Variants in RGS7 observed in about 807,000 individuals in gnomAD.
The protein encoded by RGS7 is regulator of G-protein signaling 7.
Under a neutral mutation model 81.1 loss-of-function variants are expected in RGS7, and 27 were observed. The ratio of observed to expected loss-of-function variants is 0.33; its 90% CI spans 0.25 to 0.46. The LOEUF is 0.46. RGS7 is among the 20% of genes least tolerant of loss of function. RGS7 has a pLI of 1.00. For synonymous variants in RGS7, 208 were observed against 207.7 expected, an observed-to-expected ratio of 1.00 and a Z score of -0.01; for missense variants, 396 against 607.4, an observed-to-expected ratio of 0.65 and a Z score of 3.66.
intron 2 of RGS7, among the ~76,000 whole-genome samples, chr1:241,352,676 C>G (rs1348525664): frequency 6.6e-6 from 1 of 152,230 alleles, no homozygotes; most frequent in African/African-American, 2.4e-5. Context: ...TCCACTCTAC[C>G]TTAACAATCA....
At chr1:241,062,683 T>C (rs1053105728) in intron 3 of RGS7, among the ~76,000 whole-genome samples, 1 of 152,196 alleles carries the variant, frequency 6.6e-6, no homozygotes, top group South Asian at 2.1e-4. Flanking sequence ...TACCCCTTTT[T>C]TTCCCCAAAG....
chr1:240,997,117 TTTATTATTATTATCA>T (rs564792695), intron 3 of RGS7, among the ~76,000 whole-genome samples: 29 of 152,068 alleles, frequency 1.9e-4, no homozygotes, highest in Non-Finnish European at 3.5e-4. Flanking sequence ...CGACTATGTT[TTTATTATTATTATCA>T]TTATTATTAT....
intron 3 of RGS7, among the ~76,000 whole-genome samples, chr1:241,056,524 A>C (rs1330736606): frequency 6.6e-6 from 1 of 152,224 alleles, no homozygotes; most frequent in Non-Finnish European, 1.5e-5. Flanking sequence ...AATGTTTATC[A>C]CACAACAGGT....
chr1:241,268,942 A>G (rs2077732213), intron 2 of RGS7, among the ~76,000 whole-genome samples: 1 of 152,336 alleles, frequency 6.6e-6, no homozygotes, highest in Admixed American at 6.5e-5. Flanking sequence ...GAGAGAAGCC[A>G]CATGCCCAAT....
intron 3 of RGS7, among the ~76,000 whole-genome samples, chr1:241,060,793 C>T (rs1020077848): frequency 1.3e-5 from 2 of 152,200 alleles, no homozygotes; most frequent in African/African-American, 2.4e-5. Flanking sequence ...TACCTCAGCA[C>T]AGATGCAGTT....
At chr1:241,314,817 G>C (rs2080767447) in intron 2 of RGS7, among the ~76,000 whole-genome samples, 1 of 152,144 alleles carries the variant, frequency 6.6e-6, no homozygotes, top group Non-Finnish European at 1.5e-5. Flanking sequence ...TGTAGCATGA[G>C]CTAACTCAAA....
At chr1:241,205,940 G>T (rs1319429659) in intron 2 of RGS7, among the ~76,000 whole-genome samples, 1 of 151,974 alleles carries the variant, frequency 6.6e-6, no homozygotes, top group Non-Finnish European at 1.5e-5. Flanking sequence ...TTAGAACTGT[G>T]CAGTTTGTTA....
chr1:241,283,260 C>T (rs147165738), intron 2 of RGS7, among the ~76,000 whole-genome samples: 1 of 152,224 alleles, frequency 6.6e-6, no homozygotes, highest in Non-Finnish European at 1.5e-5. Context: ...TTTCATGTTC[C>T]AAGGTTCTGT....
chr1:240,977,442 A>G (rs1252949316), intron 4 of RGS7, among the ~76,000 whole-genome samples: 1 of 152,252 alleles, frequency 6.6e-6, no homozygotes, highest in Non-Finnish European at 1.5e-5. Flanking sequence ...ACGTAAATAC[A>G]TATCTTTTAG....
intron 2 of RGS7, among the ~76,000 whole-genome samples, chr1:241,193,236 A>G (rs56295721): frequency 0.18 from 27,356 of 152,192 alleles, 3,027 homozygotes; most frequent in African/African-American, 0.31. Context: ...TAAGCCCATA[A>G]TCACATGGCT....
chr1:240,854,106 G>A (rs1660646703), intron 9 of RGS7, among the ~76,000 whole-genome samples: 1 of 152,084 alleles, frequency 6.6e-6, no homozygotes, highest in East Asian at 1.9e-4. Flanking sequence ...AATTGATAGA[G>A]ACAATTTAGA....
chr1:241,007,068 C>G (rs2058719023), intron 3 of RGS7, among the ~76,000 whole-genome samples: 1 of 152,066 alleles, frequency 6.6e-6, no homozygotes, highest in Non-Finnish European at 1.5e-5. Context: ...AGACACATGC[C>G]ACCATGCCCA....
At chr1:241,200,210 A>T (rs888249700) in intron 2 of RGS7, among the ~76,000 whole-genome samples, 10 of 152,214 alleles carry the variant, frequency 6.6e-5, no homozygotes, top group Admixed American at 2.0e-4. Flanking sequence ...ATAACAAAAA[A>T]TTAATGAAGC....
intron 2 of RGS7, among the ~76,000 whole-genome samples, chr1:241,264,559 A>G (rs920122234): frequency 1.3e-5 from 2 of 152,186 alleles, no homozygotes; most frequent in African/African-American, 4.8e-5. Context: ...CATGTTTTCA[A>G]GAACACTCTT....
intron 2 of RGS7, among the ~76,000 whole-genome samples, chr1:241,177,200 C>A (rs564264657): frequency 3.5e-4 from 54 of 152,306 alleles, no homozygotes; most frequent in Non-Finnish European, 7.2e-4. Flanking sequence ...AGTAACAGAG[C>A]AGTAGGCTAC....
intron 6 of RGS7, among the ~76,000 whole-genome samples, chr1:240,908,898 T>C (rs371815755): frequency 6.6e-6 from 1 of 152,200 alleles, no homozygotes; most frequent in South Asian, 2.1e-4. Context: ...GCTGCAAGTG[T>C]TTCCTTCAGG....
At chr1:240,913,896 GT>G (rs924759988) in intron 6 of RGS7, among the ~76,000 whole-genome samples, 2 of 148,638 alleles carry the variant, frequency 1.3e-5, no homozygotes, top group Admixed American at 1.3e-4. Flanking sequence ...TGTTTTTTTT[GT>G]TTTTTTAATT....
intron 2 of RGS7, among the ~76,000 whole-genome samples, chr1:241,100,308 G>C (rs993771248): frequency 2.0e-5 from 3 of 147,926 alleles, no homozygotes; most frequent in African/African-American, 7.5e-5. Flanking sequence ...CCAGGAGGCA[G>C]AGCTTGCAGT....
At chr1:241,120,565 C>T (rs1054021065) in intron 2 of RGS7, among the ~76,000 whole-genome samples, 1 of 152,032 alleles carries the variant, frequency 6.6e-6, no homozygotes, top group African/African-American at 2.4e-5. Flanking sequence ...AAGCTGGTCT[C>T]GAACTCCTGG....
Sources: allele counts gnomAD v4.1 joint callset (sites outside exome capture counted in the v4.1 genomes callset), GRCh38; gene constraint gnomAD v4.1.1; transcripts MANE v1.5; gene names NCBI Gene and HGNC (gene_info 2026-07-23, HGNC 2026-07-21).